The following ADK variants were observed in gnomAD, a reference collection of about 807,000 sequenced individuals.
ADK encodes the protein N6,N6-dimethyladenosine kinase.
Under a neutral mutation model 44.7 loss-of-function variants are expected in ADK, and 24 were observed. The observed-to-expected ratio is 0.54, with a 90% CI of 0.39 to 0.76. The LOEUF (loss-of-function observed/expected upper bound fraction) is 0.76, where lower values mean the gene tolerates loss of function less well. ADK is among the 30% of genes least tolerant of loss of function. The pLI, the probability that ADK is intolerant of heterozygous loss-of-function variation, is 0.00. For missense variants in ADK, 321 were observed against 425.1 expected (o/e 0.76, Z 2.15); for synonymous variants, 128 against 142.6 (o/e 0.90, Z 0.73).
At chr10:74,700,754 A>T (rs1856393318) in intron 10 of ADK, among the ~76,000 whole-genome samples, 2 of 152,236 alleles carry the variant, frequency 1.3e-5, no homozygotes, top group African/African-American at 4.8e-5. Flanking sequence ...GGTGAGGAGG[A>T]CATGGTAAAG....
intron 6 of ADK, among the ~76,000 whole-genome samples, chr10:74,457,368 C>G (rs539736306): frequency 1.3e-5 from 2 of 152,276 alleles, no homozygotes; most frequent in African/African-American, 2.4e-5. Flanking sequence ...AGCCCAGGAC[C>G]AGATGGATTC....
At chr10:74,461,217 T>C (rs1846162948) in intron 6 of ADK, among the ~76,000 whole-genome samples, 1 of 152,106 alleles carries the variant, frequency 6.6e-6, no homozygotes, top group Non-Finnish European at 1.5e-5. Context: ...ATTTGTTCCT[T>C]TGTCTCAAAA....
chr10:74,237,716 G>T (rs1049219325), intron 3 of ADK, among the ~76,000 whole-genome samples: 3 of 152,156 alleles, frequency 2.0e-5, no homozygotes, highest in African/African-American at 7.2e-5. Flanking sequence ...AATGAATGTT[G>T]TATTAGCAGC....
At position 74,317,477 on chromosome 10, in the gene ADK, G is replaced by C. The variant is rs1013201109; in HGVS notation, c.273+2732G>C. Among the ~76,000 whole-genome samples the C allele has an allele frequency of 4.0e-5, 6 of 151,164 alleles. No homozygotes were observed. In the East Asian group the frequency reaches 1.2e-3, roughly 30 times the overall value. ...ATTGTGACTCATGCCTGTAATCCCA[G>C]CATTTTGAGAGGCTAAGTTAGGAGA... On this transcript the variant is annotated intron_variant, in intron 4 of 10. Transcript: ENST00000539909.
chr10:74,260,385 T>G lies in ADK; in HGVS notation c.194+35794T>G, dbSNP rs1247578360. 3.3e-5 allele frequency among the ~76,000 whole-genome samples: 5 copies of G among 152,332 alleles called. No individual in the cohort carries two copies. The East Asian group carries it at 9.6e-4, about 29-fold the overall frequency. ...CCTGGGCTCAAGCCATCCTCCTGCCTCAGCTTCCTGTGCAGCTGGGACTAC... is the reference window on the plus strand; with the variant it reads ...CCTGGGCTCAAGCCATCCTCCTGCCGCAGCTTCCTGTGCAGCTGGGACTAC... On this transcript the variant is annotated intron_variant, in intron 3 of 10. Transcript: ENST00000539909.
At chr10:74,202,203 T>C (rs1477231417) in intron 2 of ADK, among the ~76,000 whole-genome samples, 1 of 152,190 alleles carries the variant, frequency 6.6e-6, no homozygotes, top group African/African-American at 2.4e-5. Flanking sequence ...TATATGATCT[T>C]TTGTGTTTAT....
intron 2 of ADK, among the ~76,000 whole-genome samples, chr10:74,205,076 C>T (rs1341257021): frequency 7.3e-6 from 1 of 136,170 alleles, no homozygotes; most frequent in African/African-American, 2.8e-5. Context: ...AAAATTAAAC[C>T]AAGCCAAACC....
intron 7 of ADK, among the ~76,000 whole-genome samples, chr10:74,581,406 A>C (rs549028295): frequency 1.7e-4 from 26 of 152,282 alleles, no homozygotes; most frequent in Non-Finnish European, 3.4e-4. Context: ...GGAAAAAAAG[A>C]CTGGAAAAAC....
intron 7 of ADK, among the ~76,000 whole-genome samples, chr10:74,561,904 A>G (rs1042511479): frequency 6.6e-6 from 1 of 152,182 alleles, no homozygotes; most frequent in Non-Finnish European, 1.5e-5. Flanking sequence ...ATTTTCTATA[A>G]TGGATTCCTA....
chr10:74,708,299 T>A (rs746326563), intron 10 of ADK, 22 bp from the exon 11 acceptor site: 2 of 1,578,976 alleles, frequency 1.3e-6, no homozygotes, highest in Admixed American at 3.4e-5. Context: ...TACTCATGTG[T>A]TTTTTTTTGC....
chr10:74,440,592 TAAAG>T (rs779646460), intron 6 of ADK, among the ~76,000 whole-genome samples: 18 of 152,100 alleles, frequency 1.2e-4, no homozygotes, highest in Non-Finnish European at 1.6e-4. Flanking sequence ...TAAATAAAAA[TAAAG>T]ATATTGTTTT....
chr10:74,367,050 C>T (rs1464384218), intron 4 of ADK, among the ~76,000 whole-genome samples: 2 of 152,162 alleles, frequency 1.3e-5, no homozygotes, highest in Non-Finnish European at 2.9e-5. Context: ...TCTTGCTTTT[C>T]TTCTTATGTT....
At chr10:74,444,835 G>T (rs1272254228) in intron 6 of ADK, among the ~76,000 whole-genome samples, 1 of 151,538 alleles carries the variant, frequency 6.6e-6, no homozygotes, top group Non-Finnish European at 1.5e-5. Context: ...TGGTTCATTT[G>T]TCTGACTGCT....
rs201651672 is a variant in ADK at position 74,323,208 on chromosome 10, AT to A, written c.273+8472del. On this transcript the variant is annotated intron_variant, in intron 4 of 10. Coordinates refer to ENST00000539909, the MANE Select transcript of ADK (RefSeq NM_006721.4). ...TATTTTGGAATTGGAATTCAGAAAC[AT>A]TTTTTTTTGGTCCTATGGATGGTAT... 1.2e-4 allele frequency among the ~76,000 whole-genome samples: 18 copies of A among 151,424 alleles called. No homozygotes were observed. In the East Asian group the frequency reaches 1.4e-3, roughly 11 times the overall value.
At chr10:74,249,925 C>G (rs1160509396) in intron 3 of ADK, among the ~76,000 whole-genome samples, 1 of 152,172 alleles carries the variant, frequency 6.6e-6, no homozygotes, top group African/African-American at 2.4e-5. Context: ...AATTTTCCTG[C>G]ACTCATAGTT....
intron 3 of ADK, among the ~76,000 whole-genome samples, chr10:74,237,549 G>A (rs1845018444): frequency 6.6e-6 from 1 of 152,152 alleles, no homozygotes; most frequent in African/African-American, 2.4e-5. Context: ...GTTCTTAATG[G>A]CATCTAGAAT....
intron 4 of ADK, among the ~76,000 whole-genome samples, chr10:74,327,904 T>C (rs1841075658): frequency 6.6e-6 from 1 of 152,162 alleles, no homozygotes; most frequent in South Asian, 2.1e-4. Context: ...CCTCTTTTTC[T>C]CTCACATTTT....
intron 1 of ADK, among the ~76,000 whole-genome samples, chr10:74,153,105 T>C (rs547033292): frequency 1.3e-5 from 2 of 152,324 alleles, no homozygotes; most frequent in East Asian, 3.9e-4. Context: ...GGAGAATGGA[T>C]TATAAAGACT....
At chr10:74,355,924 A>C (rs1260536843) in intron 4 of ADK, among the ~76,000 whole-genome samples, 1 of 151,010 alleles carries the variant, frequency 6.6e-6, no homozygotes, top group African/African-American at 2.4e-5. Flanking sequence ...TAAGAAACAC[A>C]ATTTAAGTTC....
Sources: allele counts gnomAD v4.1 joint callset (sites outside exome capture counted in the v4.1 genomes callset), GRCh38; gene constraint gnomAD v4.1.1; transcripts MANE v1.5; gene names NCBI Gene and HGNC (gene_info 2026-07-23, HGNC 2026-07-21).